MAGI1: variants seen among roughly 807,000 people sequenced by gnomAD.
MAGI1 encodes the protein membrane associated guanylate kinase, WW and PDZ domain containing 1.
Under a neutral mutation model 139.9 loss-of-function variants are expected in MAGI1, and 58 were observed. That is an observed-to-expected ratio of 0.41 (90% CI 0.34 to 0.52). The LOEUF is 0.52. MAGI1 is among the 20% of genes least tolerant of loss of function. The probability of loss-of-function intolerance (pLI) is 0.12; values close to 1 mark genes in which losing one functional copy is unlikely to be tolerated. For missense variants in MAGI1, 1,874 were observed against 1,901.6 expected, an observed-to-expected ratio of 0.99 and a Z score of 0.27; for synonymous variants, 812 against 737.9, an observed-to-expected ratio of 1.10 and a Z score of -1.63.
At chr3:65,520,950 G>C (rs929387795) in intron 2 of MAGI1, among the ~76,000 whole-genome samples, 1 of 152,148 alleles carries the variant, frequency 6.6e-6, no homozygotes, top group African/African-American at 2.4e-5. Context: ...AGCCAATTCA[G>C]TGGAGGGCAA....
chr3:65,364,750 T>C, intron 19 of MAGI1, 25 bp from the exon 20 acceptor site: 2 of 1,612,200 alleles, frequency 1.2e-6, no homozygotes, highest in Non-Finnish European at 1.7e-6. Context: ...GAAATAAATA[T>C]AAGAGCAACC....
At chr3:65,430,339 G>T (rs1057347979) in intron 11 of MAGI1, among the ~76,000 whole-genome samples, 199 bp from the exon 12 acceptor site, 1 of 152,172 alleles carries the variant, frequency 6.6e-6, no homozygotes, top group East Asian at 1.9e-4. Flanking sequence ...CTGCTAATGA[G>T]AATGTAATAA....
chr3:65,397,020 T>C (rs1944442241), intron 13 of MAGI1, among the ~76,000 whole-genome samples: 1 of 152,140 alleles, frequency 6.6e-6, no homozygotes, highest in Non-Finnish European at 1.5e-5. Context: ...CTTCCAGGGC[T>C]CCAAAAGGCA....
In MAGI1 at chr3:65,353,751, G is replaced by A. The variant is rs1414919085; in HGVS notation, c.*2627C>T. 1 of 152,130 alleles carries A rather than the reference G, an allele frequency of 6.6e-6. No homozygotes were observed. The highest frequency in any genetic ancestry group is 1.5e-5 in the Non-Finnish European group (1 of 68,034). 9.4% of individuals were successfully genotyped at this position (152,130 alleles called of 1,614,324 possible). ...TCATCAAGACATTTACATTAAGTGG[G>A]GGAGGGGGGCGGCGGGATTAAGGAA... On this transcript the variant is annotated 3_prime_UTR_variant, in exon 23 of 23. Transcript: ENST00000402939.
intron 1 of MAGI1, among the ~76,000 whole-genome samples, chr3:65,631,759 A>AC (rs2084319982): frequency 6.6e-6 from 1 of 152,094 alleles, no homozygotes; most frequent in Non-Finnish European, 1.5e-5. Flanking sequence ...CATGCCTGTA[A>AC]CCCCAGCACT....
intron 1 of MAGI1, among the ~76,000 whole-genome samples, chr3:65,674,270 T>C (rs527931717): frequency 1.2e-4 from 18 of 152,196 alleles, no homozygotes; most frequent in African/African-American, 3.6e-4. Flanking sequence ...AACAAGACAA[T>C]ACACAAGCAC....
At chr3:65,401,736 A>C in intron 12 of MAGI1, 2 of 1,475,872 alleles carry the variant, frequency 1.4e-6, no homozygotes, top group Non-Finnish European at 1.8e-6. Flanking sequence ...AAAGAAATTC[A>C]CAGACCTCAG....
At chr3:65,565,776 G>C (rs1466891719) in intron 2 of MAGI1, among the ~76,000 whole-genome samples, 5 of 148,676 alleles carry the variant, frequency 3.4e-5, no homozygotes, top group African/African-American at 1.2e-4. Flanking sequence ...AGAATTGCTT[G>C]AACCCAGGAG....
intron 2 of MAGI1, among the ~76,000 whole-genome samples, chr3:65,508,381 G>A (rs2077395059): frequency 6.6e-6 from 1 of 151,844 alleles, no homozygotes; most frequent in African/African-American, 2.4e-5. Context: ...TCCTGCCTGG[G>A]TGACAGAGTG....
chr3:65,359,553 C>CA (rs1414579998), intron 22 of MAGI1: 98 of 899,410 alleles, frequency 1.1e-4, no homozygotes, highest in Non-Finnish European at 1.2e-4. Flanking sequence ...AAATTAAGTA[C>CA]AAAAAACTCA....
In MAGI1 at chr3:65,379,357, G is replaced by C; in HGVS notation, c.2899C>G (p.Gln967Glu). ...GGSGVVSTVVQPYDVEIRRGE... is the reference protein window; with the variant it reads ...GGSGVVSTVVEPYDVEIRRGE... ...CGCCGGATCTCCACGTCGTAGGGCT[G>C]CACCACGGTGCTGACCACGCCGCTG... Residue 967 changes from glutamine (Q) to glutamate (E), a missense_variant, in exon 17 of 23, where the codon CAG becomes GAG. Physicochemically the swap from Gln to Glu is conservative, Grantham distance 29. Transcript: ENST00000402939. 1 of 1,613,136 alleles carries C rather than the reference G, an allele frequency of 6.2e-7. No homozygotes were observed. Among genetic ancestry groups the C allele is most frequent in the Non-Finnish European group, 8.5e-7 (1 of 1,179,560 alleles).
intron 18 of MAGI1, among the ~76,000 whole-genome samples, chr3:65,368,702 A>G (rs2106783770): frequency 6.6e-6 from 1 of 152,316 alleles, no homozygotes; most frequent in East Asian, 1.9e-4. Context: ...TCCCATAAAT[A>G]TTTGAAAAGT....
At chr3:65,473,912 G>C (rs533307673) in intron 4 of MAGI1, among the ~76,000 whole-genome samples, 1 of 151,338 alleles carries the variant, frequency 6.6e-6, no homozygotes, top group Non-Finnish European at 1.5e-5. Flanking sequence ...CAGACACACG[G>C]CAGACTCAAG....
chr3:65,852,039 T>C (rs561126768), intron 1 of MAGI1, among the ~76,000 whole-genome samples: 2 of 152,158 alleles, frequency 1.3e-5, no homozygotes, highest in African/African-American at 4.8e-5. Context: ...GCGAATACAT[T>C]GAGCTGGAAG....
At chr3:65,937,928 C>A (rs989171367) in intron 1 of MAGI1, among the ~76,000 whole-genome samples, 1 of 151,518 alleles carries the variant, frequency 6.6e-6, no homozygotes, top group Non-Finnish European at 1.5e-5. Context: ...TTTTAATGTA[C>A]TTTTATAAAA....
chr3:65,610,942 TAG>T (rs1032275387), intron 2 of MAGI1, among the ~76,000 whole-genome samples: 9 of 139,078 alleles, frequency 6.5e-5, no homozygotes, highest in African/African-American at 2.3e-4. Flanking sequence ...GTATATATAG[TAG>T]ATAGTATATA....
chr3:65,856,773 C>T (rs955814545), intron 1 of MAGI1, among the ~76,000 whole-genome samples: 2 of 152,170 alleles, frequency 1.3e-5, no homozygotes, highest in African/African-American at 2.4e-5. Context: ...TCTTAACCCT[C>T]TCTGCAAAAC....
In MAGI1 at chr3:66,038,322, C is replaced by G. The variant is rs1242482131; in HGVS notation, c.-14G>C. The G allele has an allele frequency of 6.5e-7, 1 of 1,529,474 alleles. No homozygotes were observed. The highest frequency in any genetic ancestry group is 2.3e-5 in the East Asian group (1 of 43,732). 94.7% of individuals were successfully genotyped at this position (1,529,474 alleles called of 1,614,324 possible). On this transcript the variant is annotated 5_prime_UTR_variant, in exon 1 of 23. Coordinates refer to ENST00000402939, the MANE Select transcript of MAGI1 (RefSeq NM_001033057.2). ...CACTTTGGACATGATGAGTTACACC[C>G]CTCCTCCAAAAAAATAAAACGAGAG...
At chr3:65,431,391 A>G (rs2107348227) in intron 10 of MAGI1, among the ~76,000 whole-genome samples, 1 of 152,350 alleles carries the variant, frequency 6.6e-6, no homozygotes, top group African/African-American at 2.4e-5. Context: ...ATAGTCACAA[A>G]TAATAATTTG....
Sources: allele counts gnomAD v4.1 joint callset (sites outside exome capture counted in the v4.1 genomes callset), GRCh38; gene constraint gnomAD v4.1.1; transcripts MANE v1.5; gene names NCBI Gene and HGNC (gene_info 2026-07-23, HGNC 2026-07-21).